The following BCR variants were observed in gnomAD, a reference collection of about 807,000 sequenced individuals.
The protein encoded by BCR is breakpoint cluster region protein.
In BCR, 58 loss-of-function variants were observed where a neutral mutation model predicts 138.6. The observed-to-expected ratio is 0.42, with a 90% CI of 0.34 to 0.52. The LOEUF (loss-of-function observed/expected upper bound fraction) is 0.52, where lower values mean the gene tolerates loss of function less well. Among genes scored for constraint, BCR ranks in the 20% least tolerant of loss-of-function variants. The pLI, the probability that BCR is intolerant of heterozygous loss-of-function variation, is 0.06. For missense variants in BCR, 1,599 were observed against 1,727.2 expected (o/e 0.93, Z 1.32); for synonymous variants, 786 against 730.1 (o/e 1.08, Z -1.23).
chr22:23,188,037 T>C (rs542587990), intron 1 of BCR, among the ~76,000 whole-genome samples: 60 of 152,126 alleles, frequency 3.9e-4, no homozygotes, highest in Non-Finnish European at 7.5e-4. Context: ...CCAGTTTGAG[T>C]GAGTAACTGT....
intron 1 of BCR, among the ~76,000 whole-genome samples, chr22:23,186,845 C>T (rs1163745869): frequency 2.0e-5 from 3 of 152,160 alleles, no homozygotes; most frequent in Non-Finnish European, 4.4e-5. Context: ...TCAGGATTCT[C>T]CTGCTTCAGC....
intron 14 of BCR, among the ~76,000 whole-genome samples, chr22:23,292,240 G>A (rs967469778): frequency 6.6e-6 from 1 of 152,182 alleles, no homozygotes; most frequent in Non-Finnish European, 1.5e-5. Context: ...CCAGTGCAGG[G>A]CCCTTCTCAT....
At chr22:23,260,451 G>A (rs1032694389) in intron 2 of BCR, among the ~76,000 whole-genome samples, 6 of 152,302 alleles carry the variant, frequency 3.9e-5, no homozygotes, top group African/African-American at 1.4e-4. Context: ...TGCTGCCTGG[G>A]CCCCGTCAAT....
At chr22:23,264,133 GCAC>G (rs1456922757) in intron 4 of BCR, 1 of 1,520,188 alleles carries the variant, frequency 6.6e-7, no homozygotes, top group African/African-American at 1.4e-5. Context: ...CCCCACAACA[GCAC>G]CCTGTACTGC....
intron 1 of BCR, among the ~76,000 whole-genome samples, chr22:23,243,935 C>A (rs915780398): frequency 6.6e-6 from 1 of 152,158 alleles, no homozygotes; most frequent in Non-Finnish European, 1.5e-5. Flanking sequence ...AGCCACCGTG[C>A]CCGGCTCTAG....
intron 1 of BCR, among the ~76,000 whole-genome samples, chr22:23,230,863 G>C (rs1353140517): frequency 6.6e-6 from 1 of 152,144 alleles, no homozygotes; most frequent in Non-Finnish European, 1.5e-5. Context: ...ATTTCCTAGA[G>C]AACCCATCCC....
At position 23,288,116 on chromosome 22, in the gene BCR, C is replaced by T. The variant is rs867151610; in HGVS notation, c.2546C>T (p.Ser849Phe). 5 of 1,614,016 alleles carry T rather than the reference C, an allele frequency of 3.1e-6. No homozygotes were observed. The highest frequency in any genetic ancestry group is 3.4e-6 in the Non-Finnish European group (4 of 1,179,942). ...CCCTAGAGTTACACGTTCCTGATCT[C>T]CTCTGACTATGAGCGTGCAGAGTGG... ...RNGKSYTFLI[S>F]SDYERAEWRE... Residue 849 changes from serine (S) to phenylalanine (F), a missense_variant, in exon 12 of 23, where the codon TCC becomes TTC. Ser to Phe is a radical substitution (Grantham distance 155, BLOSUM62 -2). Around this residue, in one of 4 missense-constraint regions of BCR, gnomAD observed 590 missense variants for 762.4 expected, o/e 0.77. Coordinates refer to ENST00000305877, the MANE Select transcript of BCR (RefSeq NM_004327.4).
intron 1 of BCR, among the ~76,000 whole-genome samples, chr22:23,233,275 C>G (rs912655786): frequency 1.3e-5 from 2 of 152,342 alleles, no homozygotes; most frequent in South Asian, 4.1e-4. Context: ...GCTCTGGCAG[C>G]ATCTCCACGC....
chr22:23,243,318 A>AGAG (rs1425473142), intron 1 of BCR, among the ~76,000 whole-genome samples: 10 of 152,038 alleles, frequency 6.6e-5, no homozygotes, highest in African/African-American at 1.9e-4. Context: ...GGGGATGGGG[A>AGAG]GAGGGGTGGA....
rs76311488 is a variant in BCR at position 23,243,087 on chromosome 22, T to C, written c.1280-10712T>C. ...AGAAACCTGTATGTGGTCTTCCTTC[T>C]GGTTTCTGGCACAAGCTCCTAAAAT... On this transcript the variant is annotated intron_variant, in intron 1 of 22. Coordinates refer to ENST00000305877, the MANE Select transcript of BCR (RefSeq NM_004327.4). The C allele has an allele frequency of 5.2e-3, 1,363 of 261,050 alleles. 19 individuals are homozygous for C. Among genetic ancestry groups the C allele is most frequent in the African/African-American group, 0.029 (1,262 of 44,000 alleles). The allele number at this position is 261,050 out of a possible 1,614,324, so 16.2% of individuals were successfully genotyped here. A position where few individuals can be genotyped will look rare whatever the true frequency, so the allele number is the denominator to read the frequency against.
intron 1 of BCR, among the ~76,000 whole-genome samples, chr22:23,244,228 G>A: frequency 6.6e-6 from 1 of 152,198 alleles, no homozygotes. Flanking sequence ...GAGAGTTCTG[G>A]GGGAATAGAA....
chr22:23,245,753 A>G (rs1157027139), intron 1 of BCR, among the ~76,000 whole-genome samples: 4 of 152,044 alleles, frequency 2.6e-5, no homozygotes, highest in Non-Finnish European at 5.9e-5. Context: ...CTCGGGAAAC[A>G]GTGGAATTAT....
intron 1 of BCR, among the ~76,000 whole-genome samples, chr22:23,196,053 T>C (rs1267520794): frequency 1.3e-5 from 2 of 152,150 alleles, no homozygotes; most frequent in African/African-American, 4.8e-5. Flanking sequence ...ATCCCTTCTC[T>C]CTCCTTCATT....
chr22:23,182,771 G>C (rs975674889), intron 1 of BCR, among the ~76,000 whole-genome samples: 2 of 152,222 alleles, frequency 1.3e-5, no homozygotes. Context: ...GAAGTGTCAG[G>C]TTTGCTTGCT....
intron 15 of BCR, among the ~76,000 whole-genome samples, chr22:23,294,370 T>G (rs1462118307): frequency 6.6e-6 from 1 of 152,242 alleles, no homozygotes; most frequent in Non-Finnish European, 1.5e-5. Flanking sequence ...AAAGTGAACC[T>G]GCATCGACAG....
chr22:23,235,182 G>C (rs1315162265), intron 1 of BCR, among the ~76,000 whole-genome samples: 3 of 144,092 alleles, frequency 2.1e-5, no homozygotes. Context: ...TTGGCTCCTA[G>C]GTTCAAGTGA....
intron 16 of BCR, among the ~76,000 whole-genome samples, chr22:23,308,237 T>G (rs35831268): frequency 1.3e-5 from 2 of 152,124 alleles, no homozygotes; most frequent in African/African-American, 4.8e-5. Flanking sequence ...TCTAGCTGTG[T>G]AAATCCCAGG....
chr22:23,262,556 CA>C (rs1224795370), intron 4 of BCR, among the ~76,000 whole-genome samples: 1 of 152,234 alleles, frequency 6.6e-6, no homozygotes, highest in Admixed American at 6.5e-5. Flanking sequence ...GAAGCCCCCC[CA>C]CCCCCGTTTC....
chr22:23,197,243 A>G (rs1394011936), intron 1 of BCR, among the ~76,000 whole-genome samples: 1 of 152,214 alleles, frequency 6.6e-6, no homozygotes, highest in Non-Finnish European at 1.5e-5. Flanking sequence ...GCCTAGGAGC[A>G]ATAGGCTGTG....
Sources: gnomAD v4.1 joint callset for allele counts (sites outside exome capture counted in the v4.1 genomes callset) on GRCh38, gnomAD v4.1.1 for gene constraint, gnomAD v4.1.1 regional missense constraint, MANE v1.5 for transcripts, NCBI Gene and HGNC (gene_info 2026-07-23, HGNC 2026-07-21) for gene names.